Variants in DNAH10 observed in about 807,000 individuals in gnomAD.
The protein encoded by DNAH10 is axonemal beta dynein heavy chain 10.
DNAH10 carries 348 observed loss-of-function variants against 506.6 expected under a neutral mutation model. The observed-to-expected ratio is 0.69, with a 90% CI of 0.63 to 0.75. The LOEUF is 0.75. Ranked by LOEUF, DNAH10 falls within the 30% of genes least tolerant of loss-of-function variation. The pLI is 0.00. For synonymous variants in DNAH10, 2,059 were observed against 2,198.6 expected, an observed-to-expected ratio of 0.94 and a Z score of 1.78; for missense variants, 5,179 against 5,787.1, an observed-to-expected ratio of 0.89 and a Z score of 3.41.
At position 123,914,444 on chromosome 12, in the gene DNAH10, G is replaced by C. The variant is rs200882486; in HGVS notation, c.10468G>C (p.Glu3490Gln). Residue 3490 changes from glutamate to glutamine, a missense_variant, in exon 61 of 79, where the codon GAG becomes CAG. Physicochemically the swap from Glu to Gln is conservative, Grantham distance 29. Around this residue, in one of 3 missense-constraint regions of DNAH10, gnomAD observed 4,844 missense variants for 5,430.5 expected, o/e 0.89. Transcript: ENST00000673944. ...EGAFTWEFRDEMVNRIWQNDI... is the reference protein window; with the variant it reads ...EGAFTWEFRDQMVNRIWQNDI... ...AGCCTTCACCTGGGAGTTCCGTGAC[G>C]AGATGGTCAATCGGATTTGGCAAAA... 4 of 1,613,810 alleles carry C rather than the reference G, an allele frequency of 2.5e-6. No individual in the cohort carries two copies. The African/African-American group carries it at 5.3e-5, about 22-fold the overall frequency.
intron 30 of DNAH10, among the ~76,000 whole-genome samples, chr12:123,843,043 G>A (rs1179253215): frequency 2.6e-5 from 4 of 152,222 alleles, no homozygotes; most frequent in African/African-American, 9.6e-5. Context: ...GTTTACACCA[G>A]CATCAGTTGA....
intron 69 of DNAH10, chr12:123,927,740 G>A (rs1955009607): frequency 6.6e-6 from 1 of 152,600 alleles, no homozygotes; most frequent in African/African-American, 2.4e-5. Flanking sequence ...TGAGGCTTTG[G>A]GTAAGCCCCT....
chr12:123,865,964 A>G lies in DNAH10; in HGVS notation c.7058A>G (p.Gln2353Arg). ...CALLFEVGDL[Q>R]YASPATVSRC... ...TTATTTATCCAGGTTGGAGATTTAC[A>G]GTATGCCTCCCCTGCAACTGTCTCT... is the stretch of plus-strand genomic sequence containing the variant. The change falls in exon 41 of 79, where the codon CAG (glutamine) becomes CGG (arginine). Residue 2353 changes from glutamine (Q) to arginine (R), a missense_variant. Gln to Arg is a conservative substitution (Grantham distance 43). This residue lies in a region of DNAH10 where 4,844 missense variants were observed against 5,430.5 expected (regional missense o/e 0.89). Transcript: ENST00000673944. 12 of 1,605,208 alleles carry G rather than the reference A, an allele frequency of 7.5e-6. No homozygotes were observed. Among genetic ancestry groups the G allele is most frequent in the Non-Finnish European group, 1.0e-5 (12 of 1,177,174 alleles).
chr12:123,789,473 T>C (rs1236428122), intron 10 of DNAH10, among the ~76,000 whole-genome samples: 5 of 151,972 alleles, frequency 3.3e-5, no homozygotes, highest in Non-Finnish European at 7.4e-5. Flanking sequence ...AACCTCTGCC[T>C]TCCGGGTTGA....
At position 123,813,482 on chromosome 12, in the gene DNAH10, C is replaced by T. The variant is rs138397621; in HGVS notation, c.3463C>T (p.Arg1155Cys). 1.3e-4 allele frequency: 209 copies of T among 1,614,064 alleles called. No individual in the cohort carries two copies. Among genetic ancestry groups the T allele is most frequent in the Middle Eastern group, 4.9e-4 (3 of 6,084 alleles). Reference protein sequence around the residue: ...FYSKIAYEVMRHPLIKDEHCI... With the variant: ...FYSKIAYEVMCHPLIKDEHCI... ...TTCCAAGATAGCTTATGAGGTTATG[C>T]GCCACCCTCTAATTAAGGATGAGCA... is the stretch of plus-strand genomic sequence containing the variant. The change falls in exon 20 of 79, where the codon CGC becomes TGC. Residue 1155 changes from arginine (R) to cysteine (C), a missense_variant. By Grantham distance (180) the Arg-to-Cys change is radical. Around this residue, in one of 3 missense-constraint regions of DNAH10, gnomAD observed 4,844 missense variants for 5,430.5 expected, o/e 0.89. Transcript: ENST00000673944.
At chr12:123,819,941 G>T (rs1425657715) in intron 23 of DNAH10, among the ~76,000 whole-genome samples, 3 of 151,956 alleles carry the variant, frequency 2.0e-5, no homozygotes, top group Non-Finnish European at 4.4e-5. Context: ...CTGACCTCAA[G>T]TGATCCTCCC....
At chr12:123,912,744 C>T (rs1027603115) in intron 59 of DNAH10, among the ~76,000 whole-genome samples, 10 of 152,144 alleles carry the variant, frequency 6.6e-5, no homozygotes, top group Non-Finnish European at 1.5e-4. Context: ...CGCTATAGCT[C>T]GGAATTGTAT....
Position 123,808,936 on chromosome 12 carries a change from T to G in DNAH10, c.3127T>G (p.Cys1043Gly), listed in dbSNP as rs1343803286. ...DKMCFHCVRN[C>G]VEITKHFVRW... ...GATGTGCTTCCATTGTGTCCGGAAT[T>G]GCGTGGAGATCACCAAGGTGAGAGC... Residue 1043 changes from cysteine (C) to glycine (G), a missense_variant, in exon 19 of 79, where the codon TGC becomes GGC. Physicochemically the swap from Cys to Gly is radical, Grantham distance 159 (BLOSUM62 -3). Coordinates refer to ENST00000673944, the MANE Select transcript of DNAH10 (RefSeq NM_001372106.1). 1.9e-6 allele frequency: 3 copies of G among 1,614,010 alleles called. No homozygotes were observed. The highest frequency in any genetic ancestry group is 2.5e-6 in the Non-Finnish European group (3 of 1,180,024).
At chr12:123,901,881 G>A (rs1056787175) in intron 56 of DNAH10, among the ~76,000 whole-genome samples, 5 of 152,034 alleles carry the variant, frequency 3.3e-5, no homozygotes, top group Admixed American at 6.6e-5. Flanking sequence ...GGCTGATCCC[G>A]AACTCCCAAC....
In DNAH10 at chr12:123,917,984, G is replaced by A. The variant is rs567664943; in HGVS notation, c.11232+171G>A. 2.3e-4 allele frequency among the ~76,000 whole-genome samples: 35 copies of A among 152,314 alleles called. No homozygotes were observed. The highest frequency in any genetic ancestry group is 8.2e-4 in the African/African-American group (34 of 41,572). On this transcript the variant is annotated intron_variant, in intron 64 of 78. Transcript: ENST00000673944. The surrounding 1 kb of genome is among the most constrained non-coding windows in gnomAD (Gnocchi z 5.6). Reference sequence around the variant, plus strand: ...AGGGGAGCCCTAAAGGTGTTCCCAGGGACCCTTGGGCATCAGGTCAGTCTC... The same window carrying A: ...AGGGGAGCCCTAAAGGTGTTCCCAGAGACCCTTGGGCATCAGGTCAGTCTC...
At chr12:123,816,017 C>G (rs972636407) in intron 21 of DNAH10, among the ~76,000 whole-genome samples, 6 of 152,172 alleles carry the variant, frequency 3.9e-5, no homozygotes, top group African/African-American at 1.4e-4. Flanking sequence ...GCTCTTTGAT[C>G]TTTGACAAAA....
At chr12:123,912,500 C>G (rs1954267991) in intron 59 of DNAH10, among the ~76,000 whole-genome samples, 1 of 148,114 alleles carries the variant, frequency 6.8e-6, no homozygotes, top group Non-Finnish European at 1.5e-5. Context: ...CTGGGGGGGT[C>G]TGTCCTGGGC....
Position 123,909,807 on chromosome 12 carries a change from A to G in DNAH10, c.9997+365A>G, listed in dbSNP as rs1221030346. Among the ~76,000 whole-genome samples the G allele has an allele frequency of 6.6e-6, 1 of 152,156 alleles. No homozygotes were observed. The highest frequency in any genetic ancestry group is 1.5e-5 in the Non-Finnish European group (1 of 68,038). ...CATGCAGAAGCCCAGAGCTAGTCTG[A>G]CCTTGACTTCCCCCCTTTCTCCTCT... On this transcript the variant is annotated intron_variant, in intron 58 of 78. Transcript: ENST00000673944. The surrounding 1 kb of genome is among the most constrained non-coding windows in gnomAD (Gnocchi z 5.4).
chr12:123,882,120 C>T, intron 51 of DNAH10: 1 of 244,884 alleles, frequency 4.1e-6, no homozygotes, highest in East Asian at 7.6e-5. Context: ...ATTAACCCAT[C>T]ATAAAGTTGA....
At chr12:123,808,077 G>C (rs1958780503) in intron 18 of DNAH10, among the ~76,000 whole-genome samples, 1 of 152,152 alleles carries the variant, frequency 6.6e-6, no homozygotes, top group Admixed American at 6.5e-5. Flanking sequence ...CTGTCACCAA[G>C]GCTGGAGTGC....
At position 123,924,325 on chromosome 12, in the gene DNAH10, T is replaced by A; in HGVS notation, c.11659T>A (p.Leu3887Met). The A allele has an allele frequency of 6.2e-7, 1 of 1,613,254 alleles. No homozygotes were observed. The highest frequency in any genetic ancestry group is 8.5e-7 in the Non-Finnish European group (1 of 1,179,458). The change falls in exon 67 of 79, where the codon TTG becomes ATG. Residue 3887 changes from leucine to methionine, a missense_variant. Leu to Met is a conservative substitution (Grantham distance 15, BLOSUM62 2). Transcript: ENST00000673944. ...KSKRKKPCAW[L>M]SDQGWEDIIL... ...CAAAAGAAAAAAGCCCTGCGCTTGG[T>A]TGTCTGACCAAGGATGGGAAGATAT...
chr12:123,767,556 C>G, intron 1 of DNAH10, 50 bp from the exon 2 acceptor site: 1 of 1,539,110 alleles, frequency 6.5e-7, no homozygotes, highest in East Asian at 2.3e-5. Flanking sequence ...GTGTTTCATG[C>G]AGTGAACAAT....
intron 57 of DNAH10, among the ~76,000 whole-genome samples, chr12:123,906,773 C>A (rs565337113): frequency 5.9e-5 from 9 of 152,166 alleles, no homozygotes; most frequent in African/African-American, 1.9e-4. Flanking sequence ...GGATGTTAAG[C>A]GCAATGAGCC....
rs7977179 is a variant in DNAH10 at position 123,831,115 on chromosome 12, T to G, written c.4545+416T>G. ...AAAAAAATTTTTTCTTATTGTTTCT[T>G]ATTTATTTATTTTGCCATTGATTTT... On this transcript the variant is annotated intron_variant, in intron 26 of 78. Transcript: ENST00000673944. 9.8e-3 allele frequency among the ~76,000 whole-genome samples: 1,489 copies of G among 152,346 alleles called. 21 individuals carry two copies. Among genetic ancestry groups the G allele is most frequent in the African/African-American group, 0.034 (1,398 of 41,584 alleles).
Sources: allele counts gnomAD v4.1 joint callset (sites outside exome capture counted in the v4.1 genomes callset), GRCh38; gene constraint gnomAD v4.1.1; regional missense constraint gnomAD v4.1.1; non-coding constraint Gnocchi (gnomAD v3.1); transcripts MANE v1.5; gene names NCBI Gene and HGNC (gene_info 2026-07-23, HGNC 2026-07-21).